The following CCS variants were observed in gnomAD, a reference collection of about 807,000 sequenced individuals.
CCS encodes copper chaperone for superoxide dismutase, also known as superoxide dismutase copper chaperone.
CCS carries 32 observed loss-of-function variants against 35.5 expected under a neutral mutation model. That is an observed-to-expected ratio of 0.90 (90% CI 0.68 to 1.21). CCS has a LOEUF of 1.21. Among genes scored for constraint, CCS ranks in the 50% most tolerant of loss-of-function variants. CCS has a pLI of 0.00. For missense variants in CCS, 342 were observed against 375.4 expected (o/e 0.91, Z 0.73); for synonymous variants, 130 against 147.2 (o/e 0.88, Z 0.84).
At chr11:66,593,467 G>A in intron 1 of CCS, 167 bp downstream of exon 1, 1 of 922,182 alleles carries the variant, frequency 1.1e-6, no homozygotes, top group Admixed American at 2.4e-5. Flanking sequence ...GAGTGTTGGG[G>A]GGTGACTCCC....
In CCS at chr11:66,600,492, T is replaced by G. The variant is rs778343149; in HGVS notation, c.432T>G (p.Cys144Trp). 13 of 1,547,788 alleles carry G rather than the reference T, an allele frequency of 8.4e-6. No individual in the cohort carries two copies. The highest frequency in any genetic ancestry group is 1.1e-5 in the Non-Finnish European group (13 of 1,144,662). ...ACCTGTTTCCTTTCTTTCTTAGCTG[T>G]GGGAATCACTTTAACCCTGATGGAG... ...YGDLTNNCNS[C>W]GNHFNPDGAS... Residue 144 changes from cysteine to tryptophan, a missense_variant, in exon 5 of 8, where the codon TGT (cysteine) becomes TGG (tryptophan). Physicochemically the swap from Cys to Trp is radical, Grantham distance 215. Transcript: ENST00000533244.
intron 2 of CCS, among the ~76,000 whole-genome samples, chr11:66,595,378 C>T (rs926537923): frequency 2.0e-5 from 3 of 152,084 alleles, no homozygotes; most frequent in Admixed American, 2.0e-4. Flanking sequence ...TACTTGCTTG[C>T]GAGGAGAGCA....
chr11:66,604,686 A>G (rs1043870665), intron 5 of CCS, among the ~76,000 whole-genome samples: 1 of 152,134 alleles, frequency 6.6e-6, no homozygotes, highest in African/African-American at 2.4e-5. Context: ...ACTCCCTGCC[A>G]TGTTGGGTAG....
In CCS at chr11:66,599,167, C is replaced by A. The variant is rs931376573; in HGVS notation, c.164C>A (p.Thr55Asn). ...GAGGACCAGATGGTCTTGGTACACA[C>A]CACTCTACCCAGCCAGGAGGTGCAG... is the stretch of plus-strand genomic sequence containing the variant. The part of the protein sequence containing the change: ...HLEDQMVLVH[T>N]TLPSQEVQAL... The change falls in exon 3 of 8, where the codon ACC (threonine) becomes AAC (asparagine). Residue 55 changes from threonine to asparagine, a missense_variant. Coordinates refer to ENST00000533244, the MANE Select transcript of CCS (RefSeq NM_005125.2). The A allele has an allele frequency of 6.2e-7, 1 of 1,614,112 alleles. No homozygotes were observed. The highest frequency in any genetic ancestry group is 1.3e-5 in the African/African-American group (1 of 75,036).
chr11:66,604,028 C>CAATA (rs375346415), intron 5 of CCS, among the ~76,000 whole-genome samples: 69 of 150,248 alleles, frequency 4.6e-4, no homozygotes, highest in African/African-American at 1.4e-3. Context: ...GACTCTGTCT[C>CAATA]AATAAATAAA....
At chr11:66,602,553 G>A (rs1158875615) in intron 5 of CCS, among the ~76,000 whole-genome samples, 2 of 152,256 alleles carry the variant, frequency 1.3e-5, no homozygotes, top group Admixed American at 6.5e-5. Flanking sequence ...CCACACTCAA[G>A]GGAGGCACAT....
intron 4 of CCS, 65 bp from the exon 5 acceptor site, chr11:66,600,424 A>T: frequency 1.1e-6 from 1 of 908,860 alleles, no homozygotes; most frequent in South Asian, 1.9e-5. Context: ...ATATAAATAG[A>T]TGAGAGGGTA....
intron 7 of CCS, 43 bp downstream of exon 7, chr11:66,605,635 G>A (rs781391495): frequency 2.5e-6 from 4 of 1,589,566 alleles, no homozygotes; most frequent in Non-Finnish European, 3.4e-6. Flanking sequence ...CTCTGCGGAT[G>A]GTGCATGAGG....
intron 2 of CCS, among the ~76,000 whole-genome samples, chr11:66,596,448 C>A (rs1005295636): frequency 6.6e-6 from 1 of 150,632 alleles, no homozygotes; most frequent in Non-Finnish European, 1.5e-5. Flanking sequence ...GGCGCAATCT[C>A]GGCTCACTGC....
chr11:66,593,303 G>T lies in CCS; in HGVS notation c.39+3G>T, dbSNP rs555246813. On this transcript the variant is annotated splice_donor_region_variant and intron_variant, in intron 1 of 7. Transcript: ENST00000533244. Reference sequence around the variant, plus strand: ...GGAACCAGGGGACCCTCTGCACGGTGAGGGTCGAGGCTTCGTGTGGAGCCT... The same window carrying T: ...GGAACCAGGGGACCCTCTGCACGGTTAGGGTCGAGGCTTCGTGTGGAGCCT... 36 of 1,538,786 alleles carry T rather than the reference G, an allele frequency of 2.3e-5. No homozygotes were observed. In the African/African-American group the frequency reaches 4.4e-4, roughly 19 times the overall value.
chr11:66,600,534 C>T lies in CCS; in HGVS notation c.474C>T (p.Pro158=), dbSNP rs149172285. ...CTGATGGAGCATCTCATGGGGGCCC[C>T]CAGGACTCTGACCGGGTAAGTGTCT... ...FNPDGASHGG[P]QDSDRHRGDL... The change falls in exon 5 of 8, where the codon CCC becomes CCT. Residue 158 remains proline (P), a synonymous_variant. Transcript: ENST00000533244. The T allele has an allele frequency of 7.9e-6, 12 of 1,527,010 alleles. No homozygotes were observed. The highest frequency in any genetic ancestry group is 9.7e-6 in the Non-Finnish European group (11 of 1,131,506). The allele number at this position is 1,527,010 out of a possible 1,614,324, so 94.6% of individuals were successfully genotyped here.
At chr11:66,601,148 A>C (rs183247833) in intron 5 of CCS, among the ~76,000 whole-genome samples, 1 of 152,236 alleles carries the variant, frequency 6.6e-6, no homozygotes, top group Admixed American at 6.5e-5. Context: ...GCTAGAGTGC[A>C]ATGGCGCAGT....
chr11:66,600,586 AG>A, intron 5 of CCS, 37 bp downstream of exon 5: 1 of 1,241,828 alleles, frequency 8.1e-7, no homozygotes. Context: ...GGGCTGAGAG[AG>A]GACCCAAAGT....
At chr11:66,596,707 G>A (rs1006755124) in intron 2 of CCS, among the ~76,000 whole-genome samples, 2 of 152,132 alleles carry the variant, frequency 1.3e-5, no homozygotes, top group Non-Finnish European at 2.9e-5. Context: ...CTTGACCCTT[G>A]TGGACCTCAC....
rs535153686 is a variant in CCS, at chr11:66,599,558, G to C, written c.350G>C (p.Gly117Ala). The change falls in exon 4 of 8, where the codon GGA becomes GCA. Residue 117 changes from glycine (G) to alanine (A), a missense_variant. Coordinates refer to ENST00000533244, the MANE Select transcript of CCS (RefSeq NM_005125.2). ...ACCCCTGAGCGCTGCCTCATCGAGG[G>C]AACTATTGACGGCCTGGAGCCTGGG... ...QLTPERCLIE[G>A]TIDGLEPGLH... The C allele has an allele frequency of 1.6e-4, 250 of 1,605,644 alleles. 3 individuals carry two copies. In the South Asian group the frequency reaches 2.7e-3, roughly 18 times the overall value.
chr11:66,596,669 C>T (rs1410965399), intron 2 of CCS, among the ~76,000 whole-genome samples: 4 of 152,268 alleles, frequency 2.6e-5, no homozygotes, highest in South Asian at 2.1e-4. Context: ...CATGAGCCAC[C>T]GCGCCCGGCC....
chr11:66,605,850 C>A lies in CCS; in HGVS notation c.820C>A (p.Leu274Ile). 6.5e-7 allele frequency: 1 copy of A among 1,536,352 alleles called. No homozygotes were observed. Residue 274 changes from leucine (L) to isoleucine (I), a missense_variant, in exon 8 of 8, where the codon CTT becomes ATT. Leu to Ile is a conservative substitution (Grantham distance 5, BLOSUM62 2). Coordinates refer to ENST00000533244, the MANE Select transcript of CCS (RefSeq NM_005125.2). ...GGAGTCAGCGCAGCCCCCTGCCCACCTTTGAGCAGGACCTCACCTTGGCTC... is the reference window on the plus strand; with the variant it reads ...GGAGTCAGCGCAGCCCCCTGCCCACATTTGAGCAGGACCTCACCTTGGCTC... ...RKESAQPPAH[L>I]
chr11:66,605,341 C>G lies in CCS; in HGVS notation c.492C>G (p.His164Gln). The G allele has an allele frequency of 6.2e-7, 1 of 1,614,186 alleles. No individual in the cohort carries two copies. The highest frequency in any genetic ancestry group is 8.5e-7 in the Non-Finnish European group (1 of 1,180,028). ...ACACACACTGGATCTCATTCCAGCA[C>G]CGCGGAGACCTGGGCAATGTCCGTG... Reference protein sequence around the residue: ...SHGGPQDSDRHRGDLGNVRAD... With the variant: ...SHGGPQDSDRQRGDLGNVRAD... The change falls in exon 6 of 8, where the codon CAC (histidine) becomes CAG (glutamine). Residue 164 changes from histidine to glutamine, a missense_variant and splice_region_variant. By Grantham distance (24) the His-to-Gln change is conservative. Transcript: ENST00000533244.
In CCS at chr11:66,599,572, C is replaced by T. The variant is rs1447182412; in HGVS notation, c.364C>T (p.Leu122=). 6.2e-7 allele frequency: 1 copy of T among 1,606,162 alleles called. No homozygotes were observed. The highest frequency in any genetic ancestry group is 1.1e-5 in the South Asian group (1 of 90,160). ...CCTCATCGAGGGAACTATTGACGGC[C>T]TGGAGCCTGGGCTGCATGGACTCCA... ...RCLIEGTIDG[L]EPGLHGLHVH... The change falls in exon 4 of 8, where the codon CTG becomes TTG. Residue 122 remains leucine, a synonymous_variant. Transcript: ENST00000533244.
Sources: allele counts gnomAD v4.1 joint callset (sites outside exome capture counted in the v4.1 genomes callset), GRCh38; gene constraint gnomAD v4.1.1; transcripts MANE v1.5; gene names NCBI Gene and HGNC (gene_info 2026-07-23, HGNC 2026-07-21).